SBNO2: variants seen among roughly 807,000 people sequenced by gnomAD.
SBNO2 encodes protein strawberry notch homolog 2.
Under a neutral mutation model 146.3 loss-of-function variants are expected in SBNO2, and 89 were observed. The ratio of observed to expected loss-of-function variants is 0.61; its 90% CI spans 0.51 to 0.73. The LOEUF is 0.73. Among genes scored for constraint, SBNO2 ranks in the 30% least tolerant of loss-of-function variants. The pLI is 0.00. For missense variants in SBNO2, 2,092 were observed against 2,003.7 expected (o/e 1.04, Z -0.84); for synonymous variants, 1,147 against 892.6 (o/e 1.29, Z -5.08).
chr19:1,111,508 C>G lies in SBNO2; in HGVS notation c.2807G>C (p.Arg936Pro), dbSNP rs765358327. ...GYPGGVPTFFRDMKQGLLSVG... is the reference protein window; with the variant it reads ...GYPGGVPTFFPDMKQGLLSVG... Reference sequence around the variant, plus strand: ...AGACCCCCACCAGCCCAGCTTACCCCGGAAGAAGGTGGGGACCCCTCCAGG... The same window carrying G: ...AGACCCCCACCAGCCCAGCTTACCCGGGAAGAAGGTGGGGACCCCTCCAGG... The change falls in exon 24 of 32, where the codon CGG (arginine) becomes CCG (proline). Residue 936 changes from arginine to proline, a missense_variant and splice_region_variant. Arg to Pro is a moderately radical substitution (Grantham distance 103). Coordinates refer to ENST00000361757, the MANE Select transcript of SBNO2 (RefSeq NM_014963.3). The G allele has an allele frequency of 8.9e-6, 14 of 1,569,960 alleles. No individual in the cohort carries two copies. The highest frequency in any genetic ancestry group is 1.4e-5 in the African/African-American group (1 of 73,970).
intron 1 of SBNO2, among the ~76,000 whole-genome samples, 163 bp from the exon 2 acceptor site, chr19:1,154,565 C>T (rs1357928471): frequency 6.6e-6 from 1 of 152,204 alleles, no homozygotes; most frequent in Non-Finnish European, 1.5e-5. Context: ...CACTCACCCC[C>T]ACCCGCCATC....
intron 1 of SBNO2, among the ~76,000 whole-genome samples, chr19:1,167,225 C>G (rs1005662981): frequency 3.3e-5 from 5 of 152,234 alleles, no homozygotes; most frequent in African/African-American, 9.6e-5. Context: ...ACTGAGGGCC[C>G]GAAATCACAG....
rs1349223121 is a variant in SBNO2 at position 1,150,365 on chromosome 19, G to A, written c.94-923C>T. Among the ~76,000 whole-genome samples, 1 of 152,084 alleles carries A rather than the reference G, an allele frequency of 6.6e-6. No homozygotes were observed. The highest frequency in any genetic ancestry group is 1.5e-5 in the Non-Finnish European group (1 of 67,962). ...GGCTGTGGACACCTCGTGCCCTGCAGAATGGGCACCCCTCAGCAGGGCCCC... is the reference window on the plus strand; with the variant it reads ...GGCTGTGGACACCTCGTGCCCTGCAAAATGGGCACCCCTCAGCAGGGCCCC... On this transcript the variant is annotated intron_variant, in intron 2 of 31. Coordinates refer to ENST00000361757, the MANE Select transcript of SBNO2 (RefSeq NM_014963.3). This position sits in a 1 kb window ranked among gnomAD's most constrained non-coding sequence, Gnocchi z 6.2.
At chr19:1,111,725 C>T in intron 23 of SBNO2, 111 bp from the exon 24 acceptor site, 2 of 814,844 alleles carry the variant, frequency 2.5e-6, no homozygotes, top group Non-Finnish European at 2.0e-6. Context: ...CCCTGCCCTC[C>T]CCTAGACTCC....
intron 1 of SBNO2, among the ~76,000 whole-genome samples, chr19:1,160,898 T>C (rs1353160955): frequency 6.6e-6 from 1 of 151,334 alleles, no homozygotes; most frequent in African/African-American, 2.4e-5. Context: ...GGGAAACCTG[T>C]GGGCAGCTCT....
intron 1 of SBNO2, among the ~76,000 whole-genome samples, chr19:1,172,549 A>C (rs2080488083): frequency 1.3e-5 from 2 of 152,106 alleles, no homozygotes; most frequent in Non-Finnish European, 2.9e-5. Flanking sequence ...AGTCAGGGAG[A>C]GACATCCCAG....
At chr19:1,121,381 C>G (rs1291581742) in intron 11 of SBNO2, among the ~76,000 whole-genome samples, 2 of 152,176 alleles carry the variant, frequency 1.3e-5, no homozygotes. Context: ...AAGACACCAG[C>G]AGTCTCCCGT....
intron 3 of SBNO2, among the ~76,000 whole-genome samples, chr19:1,148,185 C>T (rs954142120): frequency 6.6e-6 from 1 of 152,052 alleles, no homozygotes; most frequent in Middle Eastern, 3.2e-3. Flanking sequence ...AGCCGGAGGC[C>T]TTGGGTTGGA....
Position 1,122,221 on chromosome 19 carries a change from A to G in SBNO2, c.1067T>C (p.Ile356Thr), listed in dbSNP as rs769608640. 3.8e-5 allele frequency: 60 copies of G among 1,571,990 alleles called. No homozygotes were observed. Among genetic ancestry groups the G allele is most frequent in the East Asian group, 3.1e-4 (13 of 42,296 alleles). The change falls in exon 11 of 32, where the codon ATT becomes ACT. Residue 356 changes from isoleucine to threonine, a missense_variant. Transcript: ENST00000361757. ...GVLFATYSALIGESQAGGQHR... is the reference protein window; with the variant it reads ...GVLFATYSALTGESQAGGQHR... Reference sequence around the variant, plus strand: ...CTGGCCGCCGGCCTGGCTCTCCCCAATCAGGGCGGAGTAGGTGGCGAAGAG... The same window carrying G: ...CTGGCCGCCGGCCTGGCTCTCCCCAGTCAGGGCGGAGTAGGTGGCGAAGAG...
chr19:1,118,352 A>T (rs947100644), intron 14 of SBNO2, among the ~76,000 whole-genome samples: 1 of 152,172 alleles, frequency 6.6e-6, no homozygotes, highest in Non-Finnish European at 1.5e-5. Context: ...AAAATAAAAA[A>T]AAAAAACCAT....
chr19:1,161,981 AC>A (rs1413835178), intron 1 of SBNO2, among the ~76,000 whole-genome samples: 1 of 137,014 alleles, frequency 7.3e-6, no homozygotes, highest in Non-Finnish European at 1.5e-5. Context: ...AGCCGGCCAG[AC>A]AGACGGACGT....
Position 1,127,680 on chromosome 19 carries a change from T to C in SBNO2, c.365A>G (p.Asp122Gly). The C allele has an allele frequency of 6.2e-7, 1 of 1,613,432 alleles. No homozygotes were observed. Among genetic ancestry groups the C allele is most frequent in the Non-Finnish European group, 8.5e-7 (1 of 1,179,826 alleles). ...DSLSDIVDTP[D>G]FLPADSLNQV... ...GTTGAGGCTGTCAGCCGGCAGGAAG[T>C]CGGGCGTGTCCACGATGTCCGACAG... Residue 122 changes from aspartate to glycine, a missense_variant, in exon 5 of 32, where the codon GAC becomes GGC. Coordinates refer to ENST00000361757, the MANE Select transcript of SBNO2 (RefSeq NM_014963.3).
At chr19:1,164,980 G>A (rs1277188682) in intron 1 of SBNO2, among the ~76,000 whole-genome samples, 1 of 151,822 alleles carries the variant, frequency 6.6e-6, no homozygotes, top group Non-Finnish European at 1.5e-5. Context: ...AACAGGAGGA[G>A]GAGGAGGAGG....
In SBNO2 at chr19:1,112,391, G is replaced by A. The variant is rs139130014; in HGVS notation, c.2515+11C>T. On this transcript the variant is annotated intron_variant, in intron 21 of 31. Coordinates refer to ENST00000361757, the MANE Select transcript of SBNO2 (RefSeq NM_014963.3). This position sits in a 1 kb window ranked among gnomAD's most constrained non-coding sequence, Gnocchi z 5.9. ...GGGGCCAGGCAGCGCTGGGGGCGGG[G>A]CCGGACTCACCGAACTGCTGGATGG... The A allele has an allele frequency of 2.5e-6, 4 of 1,596,076 alleles. No homozygotes were observed. Among genetic ancestry groups the A allele is most frequent in the Non-Finnish European group, 3.4e-6 (4 of 1,174,914 alleles).
Position 1,108,182 on chromosome 19 carries a change from G to A in SBNO2, c.*38C>T, listed in dbSNP as rs768506621. 100 of 1,505,542 alleles carry A rather than the reference G, an allele frequency of 6.6e-5. 3 individuals carry two copies. The South Asian group carries it at 8.7e-4, about 13-fold the overall frequency. 93.3% of individuals were successfully genotyped at this position (1,505,542 alleles called of 1,614,324 possible). On this transcript the variant is annotated 3_prime_UTR_variant, in exon 32 of 32. Transcript: ENST00000361757. Reference sequence around the variant, plus strand: ...CACCGCTGCTCCTAGGGGAGAAACGGTCCCTGTGTCTTGGGGCATGTTTCG... The same window carrying A: ...CACCGCTGCTCCTAGGGGAGAAACGATCCCTGTGTCTTGGGGCATGTTTCG...
Position 1,150,278 on chromosome 19 carries a change from G to T in SBNO2, c.94-836C>A, listed in dbSNP as rs576595758. Among the ~76,000 whole-genome samples, 9 of 152,270 alleles carry T rather than the reference G, an allele frequency of 5.9e-5. No homozygotes were observed. The highest frequency in any genetic ancestry group is 2.2e-4 in the African/African-American group (9 of 41,554). Reference sequence around the variant, plus strand: ...AAACCTGAGGATGGGGAGCACACGGGGCAGCAGCGGGCCCAAGGGCGGCAG... The same window carrying T: ...AAACCTGAGGATGGGGAGCACACGGTGCAGCAGCGGGCCCAAGGGCGGCAG... On this transcript the variant is annotated intron_variant, in intron 2 of 31. Transcript: ENST00000361757. The surrounding 1 kb of genome is among the most constrained non-coding windows in gnomAD (Gnocchi z 6.2).
At chr19:1,163,990 G>A (rs1348835378) in intron 1 of SBNO2, among the ~76,000 whole-genome samples, 1 of 152,214 alleles carries the variant, frequency 6.6e-6, no homozygotes, top group African/African-American at 2.4e-5. Flanking sequence ...CTGAGGACGG[G>A]GTCGGAACCC....
Position 1,127,662 on chromosome 19 carries a change from C to T in SBNO2, c.383G>A (p.Ser128Asn), listed in dbSNP as rs1431102569. The change falls in exon 5 of 32, where the codon AGC becomes AAC. Residue 128 changes from serine (S) to asparagine (N), a missense_variant. Ser to Asn is a conservative substitution (Grantham distance 46). Transcript: ENST00000361757. ...VDTPDFLPADSLNQVSTIWDD... is the reference protein window; with the variant it reads ...VDTPDFLPADNLNQVSTIWDD... ...CCAGATGGTGGACACCTGGTTGAGG[C>T]TGTCAGCCGGCAGGAAGTCGGGCGT... The T allele has an allele frequency of 1.9e-6, 3 of 1,613,406 alleles. No homozygotes were observed. The highest frequency in any genetic ancestry group is 2.7e-5 in the African/African-American group (2 of 74,910).
chr19:1,159,570 C>T (rs1290869024), intron 1 of SBNO2, among the ~76,000 whole-genome samples: 2 of 43,992 alleles, frequency 4.5e-5, no homozygotes, highest in Non-Finnish European at 8.5e-5. Flanking sequence ...AGTGGGACAG[C>T]GGGGGAAGAG....
Sources: gnomAD v4.1 joint callset for allele counts (sites outside exome capture counted in the v4.1 genomes callset) on GRCh38, gnomAD v4.1.1 for gene constraint, Gnocchi (gnomAD v3.1) non-coding constraint, MANE v1.5 for transcripts, NCBI Gene and HGNC (gene_info 2026-07-23, HGNC 2026-07-21) for gene names.